Variants in PCDHGA3 observed in about 807,000 individuals in gnomAD.
The protein encoded by PCDHGA3 is protocadherin gamma subfamily A, 3.
PCDHGA3 carries 40 observed loss-of-function variants against 58.5 expected under a neutral mutation model. That is an observed-to-expected ratio of 0.68 (90% CI 0.53 to 0.89). PCDHGA3 has a LOEUF of 0.89. Among genes scored for constraint, PCDHGA3 ranks in the 40% least tolerant of loss-of-function variants. The pLI is 0.00. For synonymous variants in PCDHGA3, 530 were observed against 525.7 expected, an observed-to-expected ratio of 1.01 and a Z score of -0.11; for missense variants, 1,223 against 1,195.9, an observed-to-expected ratio of 1.02 and a Z score of -0.33.
intron 1 of PCDHGA3, among the ~76,000 whole-genome samples, chr5:141,451,780 C>T (rs988572200): frequency 6.6e-6 from 1 of 152,016 alleles, no homozygotes; most frequent in Non-Finnish European, 1.5e-5. Flanking sequence ...ACTCAGGAGG[C>T]TGAGGCCAGA....
intron 1 of PCDHGA3, chr5:141,423,754 G>C: frequency 1.7e-6 from 1 of 577,836 alleles, no homozygotes. Flanking sequence ...ACTGTTTGGG[G>C]GGGGGGTGGG....
At chr5:141,422,074 C>A (rs886758924) in intron 1 of PCDHGA3, 1 of 1,612,264 alleles carries the variant, frequency 6.2e-7, no homozygotes, top group African/African-American at 1.3e-5. Flanking sequence ...GTATTCATTT[C>A]GGAACATGGA....
Position 141,344,994 on chromosome 5 carries a change from G to T in PCDHGA3, c.961G>T (p.Ala321Ser). The T allele has an allele frequency of 6.2e-7, 1 of 1,613,936 alleles. No homozygotes were observed. The highest frequency in any genetic ancestry group is 8.5e-7 in the Non-Finnish European group (1 of 1,179,862). The change falls in exon 1 of 4, where the codon GCA becomes TCA. Residue 321 changes from alanine to serine, a missense_variant. Physicochemically the swap from Ala to Ser is moderately conservative, Grantham distance 99 (BLOSUM62 1). Transcript: ENST00000253812. ...DAMFYEIKIE[A>S]QDGPGLLSRA... ...CATGTTCTATGAAATTAAAATTGAA[G>T]CACAGGATGGACCAGGTCTTCTTTC...
At position 141,352,128 on chromosome 5, in the gene PCDHGA3, G is replaced by T. The variant is rs369451031; in HGVS notation, c.2424+5671G>T. The T allele has an allele frequency of 5.0e-6, 8 of 1,610,058 alleles. No homozygotes were observed. The African/African-American group carries it at 1.1e-4, about 21-fold the overall frequency. On this transcript the variant is annotated intron_variant, in intron 1 of 3. Coordinates refer to ENST00000253812, the MANE Select transcript of PCDHGA3 (RefSeq NM_018916.4). ...CTGGGGTTGCGCACGGGTGAGGTGC[G>T]CACAGCGCGTGCCTTGGGCGACAGG...
chr5:141,366,152 C>T (rs62378419), intron 1 of PCDHGA3: 45,753 of 1,614,134 alleles, frequency 0.028, 734 homozygotes, highest in Middle Eastern at 0.089. Flanking sequence ...GTCCTACCGC[C>T]TGCTTAAGGC....
At chr5:141,448,782 T>C (rs2098606045) in intron 1 of PCDHGA3, among the ~76,000 whole-genome samples, 1 of 148,758 alleles carries the variant, frequency 6.7e-6, no homozygotes, top group Non-Finnish European at 1.5e-5. Flanking sequence ...GTACTAAAAA[T>C]ACAAAAAAAA....
At chr5:141,374,087 G>C (rs1358918796) in intron 1 of PCDHGA3, 3 of 1,529,296 alleles carry the variant, frequency 2.0e-6, no homozygotes, top group Non-Finnish European at 2.6e-6. Context: ...GCCAGTAATG[G>C]CGCCTCCGCA....
In PCDHGA3 at chr5:141,485,792, G is replaced by A. The variant is rs114766079; in HGVS notation, c.2425-9015G>A. The A allele has an allele frequency of 6.2e-7, 1 of 1,614,236 alleles. No homozygotes were observed. Among genetic ancestry groups the A allele is most frequent in the East Asian group, 2.2e-5 (1 of 44,880 alleles). ...GCCTTTGGATCGAGAGAAGCAATCG[G>A]ACTACCGCCTGGTGCTGACTGCTGT... On this transcript the variant is annotated intron_variant, in intron 1 of 3. Coordinates refer to ENST00000253812, the MANE Select transcript of PCDHGA3 (RefSeq NM_018916.4). This position sits in a 1 kb window ranked among gnomAD's most constrained non-coding sequence, Gnocchi z 5.7.
chr5:141,448,166 A>G (rs1475687778), intron 1 of PCDHGA3, among the ~76,000 whole-genome samples: 2 of 151,978 alleles, frequency 1.3e-5, no homozygotes, highest in Non-Finnish European at 2.9e-5. Context: ...AAAGATCACT[A>G]CTATTCATCC....
At position 141,370,864 on chromosome 5, in the gene PCDHGA3, C is replaced by T. The variant is rs372472671; in HGVS notation, c.2424+24407C>T. 2.7e-5 allele frequency: 43 copies of T among 1,614,034 alleles called. 1 individual carries two copies. The highest frequency in any genetic ancestry group is 3.6e-5 in the Non-Finnish European group (42 of 1,179,900). On this transcript the variant is annotated intron_variant, in intron 1 of 3. Coordinates refer to ENST00000253812, the MANE Select transcript of PCDHGA3 (RefSeq NM_018916.4). The stretch of plus-strand genomic sequence containing the variant: ...GGAGCCACATTTGCCCTGGAATCTG[C>T]GCAAGATCCTGATGTAGGTGTCAAT...
intron 2 of PCDHGA3, among the ~76,000 whole-genome samples, chr5:141,501,966 C>A (rs1046026111): frequency 1.3e-5 from 2 of 152,118 alleles, no homozygotes; most frequent in African/African-American, 4.8e-5. Context: ...ATCCTCCTAA[C>A]CTCTGGCATC....
intron 1 of PCDHGA3, among the ~76,000 whole-genome samples, chr5:141,450,894 G>C (rs919860611): frequency 6.7e-6 from 1 of 148,956 alleles, no homozygotes; most frequent in Admixed American, 6.7e-5. Context: ...GTGCGATATC[G>C]GCTCACTGCA....
At chr5:141,365,716 A>G (rs1764073601) in intron 1 of PCDHGA3, 6 of 1,613,740 alleles carry the variant, frequency 3.7e-6, no homozygotes, top group Non-Finnish European at 5.1e-6. Flanking sequence ...CCTCTGTCAC[A>G]GAAAACAATC....
At chr5:141,351,671 A>G in intron 1 of PCDHGA3, 1 of 1,613,966 alleles carries the variant, frequency 6.2e-7, no homozygotes, top group Non-Finnish European at 8.5e-7. Context: ...TGCACAAGTA[A>G]GCGCCTCCGA....
chr5:141,366,040 C>A (rs752624619), intron 1 of PCDHGA3: 1 of 1,614,146 alleles, frequency 6.2e-7, no homozygotes, highest in African/African-American at 1.3e-5. Context: ...TCCCCACAGA[C>A]GGTTCCACGG....
chr5:141,414,415 C>A (rs769791452), intron 1 of PCDHGA3: 1 of 1,613,876 alleles, frequency 6.2e-7, no homozygotes, highest in Admixed American at 1.7e-5. Context: ...ACACAGAGCC[C>A]TTGACAGGGA....
At chr5:141,418,912 ACT>A (rs1457793463) in intron 1 of PCDHGA3, 2 of 1,613,770 alleles carry the variant, frequency 1.2e-6, no homozygotes, top group Non-Finnish European at 1.7e-6. Flanking sequence ...TCATCACGTC[ACT>A]CTCTGATCAG....
intron 2 of PCDHGA3, among the ~76,000 whole-genome samples, chr5:141,504,859 C>T (rs1396681670): frequency 6.6e-6 from 1 of 152,090 alleles, no homozygotes; most frequent in African/African-American, 2.4e-5. Context: ...TCTTCCATTT[C>T]CCACCTTCAC....
rs762061396 is a variant in PCDHGA3, at chr5:141,346,130, G to A, written c.2097G>A (p.Ala699=). ...LTLYLVVAVA[A]VSCVFLAFVI... ...TGTACCTGGTGGTGGCGGTGGCCGC[G>A]GTCTCCTGCGTCTTCCTGGCCTTCG... Residue 699 remains alanine (A), a synonymous_variant, in exon 1 of 4, where the codon GCG becomes GCA. Coordinates refer to ENST00000253812, the MANE Select transcript of PCDHGA3 (RefSeq NM_018916.4). 1.9e-5 allele frequency: 30 copies of A among 1,613,802 alleles called. No homozygotes were observed. The African/African-American group carries it at 2.9e-4, about 16-fold the overall frequency.
Sources: allele counts gnomAD v4.1 joint callset (sites outside exome capture counted in the v4.1 genomes callset), GRCh38; gene constraint gnomAD v4.1.1; non-coding constraint Gnocchi (gnomAD v3.1); transcripts MANE v1.5; gene names NCBI Gene and HGNC (gene_info 2026-07-23, HGNC 2026-07-21).